RIMS1: variants seen among roughly 807,000 people sequenced by gnomAD.
RIMS1 encodes regulating synaptic membrane exocytosis 1, also known as regulating synaptic membrane exocytosis protein 1.
RIMS1 carries 83 observed loss-of-function variants against 214.1 expected under a neutral mutation model. That is an observed-to-expected ratio of 0.39 (90% CI 0.32 to 0.47). RIMS1 has a LOEUF of 0.47. RIMS1 is among the 20% of genes least tolerant of loss of function. The pLI, the probability that RIMS1 is intolerant of heterozygous loss-of-function variation, is 0.99. For synonymous variants in RIMS1, 793 were observed against 786.8 expected, an observed-to-expected ratio of 1.01 and a Z score of -0.13; for missense variants, 2,050 against 2,161.8, an observed-to-expected ratio of 0.95 and a Z score of 1.03.
chr6:72,315,635 A>T (rs2095739115), intron 28 of RIMS1, among the ~76,000 whole-genome samples: 2 of 152,152 alleles, frequency 1.3e-5, no homozygotes, highest in African/African-American at 4.8e-5. Context: ...TAGACTAGTT[A>T]TCCCTTCATA....
At chr6:72,042,273 A>T (rs1175258925) in intron 2 of RIMS1, among the ~76,000 whole-genome samples, 1 of 151,806 alleles carries the variant, frequency 6.6e-6, no homozygotes, top group Non-Finnish European at 1.5e-5. Context: ...AACCCTGCTG[A>T]TCAGGAGCTG....
At chr6:72,291,458 A>G (rs191738668) in intron 25 of RIMS1, among the ~76,000 whole-genome samples, 140 of 152,316 alleles carry the variant, frequency 9.2e-4, no homozygotes, top group Non-Finnish European at 1.0e-3. Context: ...ATAAAGTACA[A>G]GTGAGTGGTA....
chr6:72,193,601 A>G (rs929442577), intron 6 of RIMS1, among the ~76,000 whole-genome samples: 1 of 152,212 alleles, frequency 6.6e-6, no homozygotes, highest in Non-Finnish European at 1.5e-5. Flanking sequence ...GATTTTGGGA[A>G]CCAGCCATGA....
Position 72,265,849 on chromosome 6 carries a change from C to T in RIMS1, c.3309-111C>T, listed in dbSNP as rs576305394. On this transcript the variant is annotated intron_variant, in intron 21 of 33. Transcript: ENST00000521978. ...TATGAACTGAATCCCAGTGATTCTA[C>T]ATTTTGTGTAAAGGGGACATTATTT... is the stretch of plus-strand genomic sequence containing the variant. 169 of 708,978 alleles carry T rather than the reference C, an allele frequency of 2.4e-4. No homozygotes were observed. In the African/African-American group the frequency reaches 2.8e-3, roughly 12 times the overall value. The allele number at this position is 708,978 out of a possible 1,614,324, so 43.9% of individuals were successfully genotyped here. A position where few individuals can be genotyped will look rare whatever the true frequency, so the allele number is the denominator to read the frequency against.
At chr6:72,069,797 T>C (rs1330035900) in intron 2 of RIMS1, among the ~76,000 whole-genome samples, 1 of 152,200 alleles carries the variant, frequency 6.6e-6, no homozygotes, top group Non-Finnish European at 1.5e-5. Context: ...TCATCTTAGA[T>C]CATCACTACA....
intron 4 of RIMS1, among the ~76,000 whole-genome samples, chr6:72,129,137 T>A (rs1404422201): frequency 6.6e-6 from 1 of 152,210 alleles, no homozygotes; most frequent in Non-Finnish European, 1.5e-5. Flanking sequence ...TGTCTTTTTA[T>A]CTGTCTTGCC....
intron 14 of RIMS1, 52 bp downstream of exon 14, chr6:72,251,144 A>G (rs2073113147): frequency 6.4e-6 from 10 of 1,551,782 alleles, no homozygotes; most frequent in Non-Finnish European, 8.7e-6. Context: ...GTTTTGTGAT[A>G]TTTATTATGA....
intron 29 of RIMS1, chr6:72,367,012 A>G (rs899997358): frequency 5.6e-5 from 12 of 212,780 alleles, no homozygotes; most frequent in African/African-American, 2.1e-4. Context: ...AGGTAGTGTT[A>G]TACTTCAGAT....
chr6:72,113,871 A>G (rs915093087), intron 4 of RIMS1, among the ~76,000 whole-genome samples: 17 of 152,134 alleles, frequency 1.1e-4, no homozygotes, highest in Non-Finnish European at 2.9e-5. Context: ...GTCCTATGCA[A>G]TAAATGCTAT....
intron 5 of RIMS1, 139 bp from the exon 6 acceptor site, chr6:72,182,145 A>T: frequency 1.1e-6 from 1 of 877,378 alleles, no homozygotes; most frequent in Non-Finnish European, 1.7e-6. Flanking sequence ...CAACACCCTT[A>T]CAGTTCCACC....
Position 72,005,179 on chromosome 6 carries a change from T to G in RIMS1, c.245+36116T>G, listed in dbSNP as rs550731133. Among the ~76,000 whole-genome samples, 10 of 152,276 alleles carry G rather than the reference T, an allele frequency of 6.6e-5. No individual in the cohort carries two copies. In the South Asian group the frequency reaches 1.0e-3, roughly 16 times the overall value. On this transcript the variant is annotated intron_variant, in intron 2 of 33. Coordinates refer to ENST00000521978, the MANE Select transcript of RIMS1 (RefSeq NM_014989.7). ...CAGCTGTGTCAAAGATCAGATAGTT[T>G]TAGATATGCGGCGTTATTTCTGAGG...
At chr6:72,235,476 C>T (rs2063649359) in intron 7 of RIMS1, 142 bp from the exon 8 acceptor site, 3 of 551,868 alleles carry the variant, frequency 5.4e-6, no homozygotes, top group Non-Finnish European at 9.7e-6. Context: ...CGGGAACTAA[C>T]ATGTTCCTGG....
chr6:72,266,199 T>G, intron 22 of RIMS1, 150 bp downstream of exon 22: 1 of 691,730 alleles, frequency 1.4e-6, no homozygotes, highest in Non-Finnish European at 2.6e-6. Context: ...ATTATACATG[T>G]CTATTTAGAG....
intron 6 of RIMS1, among the ~76,000 whole-genome samples, chr6:72,231,017 C>T (rs912054962): frequency 6.6e-6 from 1 of 151,616 alleles, no homozygotes; most frequent in African/African-American, 2.4e-5. Flanking sequence ...ATGAATTTAT[C>T]ATTTTGCAGC....
chr6:72,327,710 A>T (rs1346899690), intron 28 of RIMS1, among the ~76,000 whole-genome samples: 1 of 151,802 alleles, frequency 6.6e-6, no homozygotes, highest in Non-Finnish European at 1.5e-5. Flanking sequence ...CCATCCTAGT[A>T]CATTTAAAGT....
intron 2 of RIMS1, among the ~76,000 whole-genome samples, chr6:72,083,407 C>CA (rs1239704708): frequency 6.6e-6 from 1 of 151,992 alleles, no homozygotes; most frequent in Non-Finnish European, 1.5e-5. Context: ...ACACGTGTTC[C>CA]ACCAGTGGTT....
intron 2 of RIMS1, among the ~76,000 whole-genome samples, chr6:72,075,585 CTTT>C (rs1831611882): frequency 6.6e-6 from 1 of 152,174 alleles, no homozygotes; most frequent in Non-Finnish European, 1.5e-5. Context: ...ATGTAAAGAG[CTTT>C]AATCCTGGCA....
intron 2 of RIMS1, among the ~76,000 whole-genome samples, chr6:72,012,862 G>T (rs1811308179): frequency 6.6e-6 from 1 of 152,168 alleles, no homozygotes. Context: ...CAGTAAATTA[G>T]AGGTGTTTGG....
In RIMS1 at chr6:72,200,760, G is replaced by A. The variant is rs115135651; in HGVS notation, c.1678+17611G>A. On this transcript the variant is annotated intron_variant, in intron 6 of 33. Transcript: ENST00000521978. ...CAGTTTAATGCCTTAGAGAAAGTCT[G>A]AGAACTAATTTCTTCTTACTGTGGA... is the stretch of plus-strand genomic sequence containing the variant. Among the ~76,000 whole-genome samples the A allele has an allele frequency of 4.5e-3, 680 of 152,186 alleles. 7 individuals carry two copies. Among genetic ancestry groups the A allele is most frequent in the African/African-American group, 0.016 (664 of 41,542 alleles).
Sources: allele counts gnomAD v4.1 joint callset (sites outside exome capture counted in the v4.1 genomes callset), GRCh38; gene constraint gnomAD v4.1.1; transcripts MANE v1.5; gene names NCBI Gene and HGNC (gene_info 2026-07-23, HGNC 2026-07-21).